TMEM248: variants seen among roughly 807,000 people sequenced by gnomAD.
TMEM248 encodes UPF0458 protein C7orf42.
TMEM248 carries 9 observed loss-of-function variants against 30.3 expected under a neutral mutation model. The ratio of observed to expected loss-of-function variants is 0.30; its 90% confidence interval spans 0.18 to 0.52. The LOEUF (loss-of-function observed/expected upper bound fraction) is 0.52. Among genes scored for constraint, TMEM248 ranks in the 20% least tolerant of loss-of-function variants. TMEM248 has a pLI of 0.97. For synonymous variants in TMEM248, 184 were observed against 154.4 expected (o/e 1.19, Z -1.42); for missense variants, 338 against 403.3 (o/e 0.84, Z 1.39).
Position 66,921,340 on chromosome 7 carries a change from A to G in TMEM248, c.-140A>G, listed in dbSNP as rs1385920505. On this transcript the variant is annotated 5_prime_UTR_variant, in exon 1 of 7. The change abolishes an upstream ATG in the 5' untranslated region. Coordinates refer to ENST00000341567, the MANE Select transcript of TMEM248 (RefSeq NM_017994.5). ...ACGCTGCCCCCGGCGCGGGGAGAAG[A>G]TGGTGCCTAGCGGCCTCGGGCCCGC... The G allele has an allele frequency of 1.3e-5, 2 of 150,226 alleles. No homozygotes were observed. The highest frequency in any genetic ancestry group is 2.4e-5 in the African/African-American group (1 of 41,038). 9.3% of individuals were successfully genotyped at this position (150,226 alleles called of 1,614,324 possible).
intron 6 of TMEM248, among the ~76,000 whole-genome samples, 162 bp downstream of exon 6, chr7:66,953,531 G>A (rs760966186): frequency 1.3e-4 from 20 of 152,168 alleles, no homozygotes; most frequent in Non-Finnish European, 2.5e-4. Context: ...GACCCTGGTG[G>A]ATATCGAAAT....
chr7:66,941,848 G>A lies in TMEM248; in HGVS notation c.-18G>A, dbSNP rs752825967. ...GAAGCTTCTGATTCATTTCTTTCAG[G>A]TGGAGCTGATCAGAATAATGTTCAG... On this transcript the variant is annotated splice_region_variant and 5_prime_UTR_variant, in exon 2 of 7. The change creates a new upstream start codon in the 5' untranslated region. Coordinates refer to ENST00000341567, the MANE Select transcript of TMEM248 (RefSeq NM_017994.5). The A allele has an allele frequency of 7.5e-6, 12 of 1,599,192 alleles. No individual in the cohort carries two copies. Among genetic ancestry groups the A allele is most frequent in the Admixed American group, 1.7e-5 (1 of 58,424 alleles).
intron 1 of TMEM248, among the ~76,000 whole-genome samples, chr7:66,933,748 CTGTGCTGATAGATTTTCATCACA>C (rs1235483850): frequency 6.6e-6 from 1 of 152,228 alleles, no homozygotes; most frequent in African/African-American, 2.4e-5. Context: ...ATCTAAGGTA[CTGTGCTGATAGATTTTCATCACA>C]TGTTCTCACG....
rs147226748 is a variant in TMEM248, at chr7:66,951,291, G to A, written c.780+156G>A. On this transcript the variant is annotated intron_variant, in intron 5 of 6. Transcript: ENST00000341567. ...CAGGTGAGTTAGGACACTAGGCGGA[G>A]TGGTGGATGCTTGGAAAAACATGTT... is the stretch of plus-strand genomic sequence containing the variant. 212 of 600,480 alleles carry A rather than the reference G, an allele frequency of 3.5e-4. No individual in the cohort carries two copies. The African/African-American group carries it at 3.7e-3, about 11-fold the overall frequency. The allele number at this position is 600,480 out of a possible 1,614,324, so 37.2% of individuals were successfully genotyped here.
intron 1 of TMEM248, among the ~76,000 whole-genome samples, chr7:66,933,250 G>T (rs573384204): frequency 2.0e-5 from 3 of 152,024 alleles, no homozygotes; most frequent in Non-Finnish European, 4.4e-5. Flanking sequence ...GCTCACTGCC[G>T]CCTCAAACTC....
chr7:66,926,636 A>G (rs952331815), intron 1 of TMEM248, among the ~76,000 whole-genome samples: 2 of 144,486 alleles, frequency 1.4e-5, no homozygotes, highest in African/African-American at 5.0e-5. Context: ...ACTCCATCTG[A>G]AACAAAAAAA....
rs1032928687 is a variant in TMEM248 at position 66,956,417 on chromosome 7, C to T, written c.*895C>T. 5.3e-5 allele frequency: 8 copies of T among 152,150 alleles called. No homozygotes were observed. Among genetic ancestry groups the T allele is most frequent in the Non-Finnish European group, 1.2e-4 (8 of 68,022 alleles). 9.4% of individuals were successfully genotyped at this position (152,150 alleles called of 1,614,324 possible). Reference sequence around the variant, plus strand: ...GAGTGACTGTTTGCTCTTCTGCTTTCTGGAATGCAGATGACAGTATGGAAA... The same window carrying T: ...GAGTGACTGTTTGCTCTTCTGCTTTTTGGAATGCAGATGACAGTATGGAAA... On this transcript the variant is annotated 3_prime_UTR_variant, in exon 7 of 7. Transcript: ENST00000341567.
intron 1 of TMEM248, among the ~76,000 whole-genome samples, chr7:66,938,720 C>G (rs994109351): frequency 6.6e-6 from 1 of 152,130 alleles, no homozygotes; most frequent in African/African-American, 2.4e-5. Context: ...ATTGGCCAGG[C>G]TGGTCTTGAA....
intron 1 of TMEM248, among the ~76,000 whole-genome samples, chr7:66,923,074 A>G (rs1791428612): frequency 6.6e-6 from 1 of 152,160 alleles, no homozygotes; most frequent in South Asian, 2.1e-4. Flanking sequence ...AGGCTAGAAA[A>G]TGTGGCAGGA....
At chr7:66,939,532 T>TA (rs1791892139) in intron 1 of TMEM248, among the ~76,000 whole-genome samples, 4 of 152,340 alleles carry the variant, frequency 2.6e-5, no homozygotes, top group African/African-American at 9.6e-5. Context: ...ACAGACTTTT[T>TA]AAAAAATTGC....
chr7:66,938,330 A>G (rs574580717), intron 1 of TMEM248, among the ~76,000 whole-genome samples: 1 of 151,646 alleles, frequency 6.6e-6, no homozygotes, highest in Non-Finnish European at 1.5e-5. Flanking sequence ...TGTATCTGTT[A>G]TAGGTTGGGC....
intron 2 of TMEM248, 99 bp from the exon 3 acceptor site, chr7:66,944,877 T>C (rs1334634391): frequency 4.7e-6 from 6 of 1,278,612 alleles, no homozygotes; most frequent in Non-Finnish European, 6.6e-6. Context: ...TGTAGTTTGC[T>C]GATGTGCTGC....
At chr7:66,924,989 G>A (rs893973722) in intron 1 of TMEM248, among the ~76,000 whole-genome samples, 8 of 152,042 alleles carry the variant, frequency 5.3e-5, no homozygotes, top group Non-Finnish European at 1.0e-4. Flanking sequence ...GATTACAGGC[G>A]TGAGCCACCA....
At position 66,945,194 on chromosome 7, in the gene TMEM248, C is replaced by T. The variant is rs186391366; in HGVS notation, c.378C>T (p.Phe126=). 31 of 1,614,188 alleles carry T rather than the reference C, an allele frequency of 1.9e-5. No individual in the cohort carries two copies. The African/African-American group carries it at 2.5e-4, about 13-fold the overall frequency. ...TAACCCTGGACCCACTGAAACCCTT[C>T]GGAGGGTATTCCCGCAACGTCACCC... The part of the protein sequence containing the change: ...ITLTLDPLKP[F]GGYSRNVTHL... The change falls in exon 3 of 7, where the codon TTC becomes TTT. Residue 126 remains phenylalanine (F), a synonymous_variant. Coordinates refer to ENST00000341567, the MANE Select transcript of TMEM248 (RefSeq NM_017994.5).
chr7:66,948,430 G>A (rs1454608797), intron 3 of TMEM248, 114 bp from the exon 4 acceptor site: 1 of 1,279,124 alleles, frequency 7.8e-7, no homozygotes, highest in Non-Finnish European at 1.1e-6. Context: ...AAAGGCAGGT[G>A]CCTGGGCTGA....
chr7:66,949,867 A>T (rs1053983941), intron 4 of TMEM248, among the ~76,000 whole-genome samples: 1 of 152,170 alleles, frequency 6.6e-6, no homozygotes, highest in Admixed American at 6.5e-5. Flanking sequence ...TTATCTATAA[A>T]TAAATAGGTG....
intron 1 of TMEM248, among the ~76,000 whole-genome samples, chr7:66,924,167 C>T (rs1184859965): frequency 6.6e-6 from 1 of 152,218 alleles, no homozygotes; most frequent in African/African-American, 2.4e-5. Flanking sequence ...TGCAGGAGCA[C>T]AGCTCTAGTC....
chr7:66,929,867 A>T (rs1791621066), intron 1 of TMEM248, among the ~76,000 whole-genome samples: 1 of 152,104 alleles, frequency 6.6e-6, no homozygotes, highest in Admixed American at 6.6e-5. Context: ...AGTGTCAAGG[A>T]TGACTGGCAG....
rs559258156 is a variant in TMEM248, at chr7:66,928,568, G to A, written c.-19+7107G>A. Among the ~76,000 whole-genome samples the A allele has an allele frequency of 9.2e-5, 14 of 152,192 alleles. No homozygotes were observed. In the South Asian group the frequency reaches 1.5e-3, roughly 16 times the overall value. ...GCAAGGATTAAAAAATATGTTAAGC[G>A]CTTGGCACGGTGCCTGGGAATGGCA... On this transcript the variant is annotated intron_variant, in intron 1 of 6. Coordinates refer to ENST00000341567, the MANE Select transcript of TMEM248 (RefSeq NM_017994.5).
Sources: gnomAD v4.1 joint callset for allele counts (sites outside exome capture counted in the v4.1 genomes callset) on GRCh38, gnomAD v4.1.1 for gene constraint, MANE v1.5 for transcripts, NCBI Gene and HGNC (gene_info 2026-07-23, HGNC 2026-07-21) for gene names.